DYSF: variants seen among roughly 807,000 people sequenced by gnomAD.
DYSF encodes dystrophy-associated fer-1-like 1.
DYSF carries 212 observed loss-of-function variants against 274.9 expected under a neutral mutation model. The observed-to-expected ratio is 0.77, with a 90% CI of 0.69 to 0.86. The LOEUF is 0.86. Ranked by LOEUF, DYSF falls within the 40% of genes least tolerant of loss-of-function variation. The probability of loss-of-function intolerance (pLI) is 0.00; values close to 1 mark genes in which losing one functional copy is unlikely to be tolerated. For missense variants in DYSF, 2,666 were observed against 2,783.2 expected, an observed-to-expected ratio of 0.96 and a Z score of 0.95; for synonymous variants, 1,091 against 1,078.7, an observed-to-expected ratio of 1.01 and a Z score of -0.22.
intron 1 of DYSF, among the ~76,000 whole-genome samples, chr2:71,469,410 G>A (rs1316510514): frequency 1.3e-5 from 2 of 151,584 alleles, no homozygotes; most frequent in Non-Finnish European, 2.9e-5. Flanking sequence ...AGGCATAGGT[G>A]TTGTTTCTGT....
At chr2:71,673,630 C>T (rs573094039) in intron 51 of DYSF, among the ~76,000 whole-genome samples, 1 of 152,200 alleles carries the variant, frequency 6.6e-6, no homozygotes, top group Admixed American at 6.5e-5. Context: ...CACCCTGACC[C>T]TGAGATGCCA....
chr2:71,526,773 C>G (rs533437054), intron 13 of DYSF, among the ~76,000 whole-genome samples: 1 of 152,234 alleles, frequency 6.6e-6, no homozygotes, highest in Non-Finnish European at 1.5e-5. Context: ...ATGAAGGACT[C>G]CTGGGCCCCA....
intron 41 of DYSF, among the ~76,000 whole-genome samples, chr2:71,635,757 AAAAAAAAAGAAAGAAAAAAG>A (rs1309797562): frequency 8.7e-6 from 1 of 114,746 alleles, no homozygotes; most frequent in African/African-American, 3.0e-5. Flanking sequence ...TCAAAAAAAA[AAAAAAAAAGAAAGAAAAAAG>A]AAAAAGAAAA....
At chr2:71,639,310 C>T (rs960391076) in intron 41 of DYSF, among the ~76,000 whole-genome samples, 3 of 152,230 alleles carry the variant, frequency 2.0e-5, no homozygotes, top group Admixed American at 6.5e-5. Flanking sequence ...TATTTTGAAG[C>T]ATCTTGCTGT....
rs904790856 is a variant in DYSF at position 71,615,251 on chromosome 2, G to A, written c.4464+1841G>A. Among the ~76,000 whole-genome samples, 9 of 152,284 alleles carry A rather than the reference G, an allele frequency of 5.9e-5. No homozygotes were observed. Among genetic ancestry groups the A allele is most frequent in the Admixed American group, 5.9e-4 (9 of 15,308 alleles). ...AGCTGGGCCTGTGCTGTTTGTGGGA[G>A]CACACGGCCACTCTGGCTAGAGCTG... On this transcript the variant is annotated intron_variant, in intron 40 of 55. Coordinates refer to ENST00000410020, the MANE Select transcript of DYSF (RefSeq NM_001130987.2). The surrounding 1 kb of genome is among the most constrained non-coding windows in gnomAD (Gnocchi z 4.9).
Position 71,568,048 on chromosome 2 carries a change from T to A in DYSF, c.2663T>A (p.Phe888Tyr), listed in dbSNP as rs763648778. The A allele has an allele frequency of 6.2e-7, 1 of 1,614,186 alleles. No homozygotes were observed. The highest frequency in any genetic ancestry group is 1.7e-5 in the Admixed American group (1 of 60,032). The change falls in exon 25 of 56, where the codon TTT (phenylalanine) becomes TAT (tyrosine). Residue 888 changes from phenylalanine (F) to tyrosine (Y), a missense_variant. Around this residue, in one of 3 missense-constraint regions of DYSF, gnomAD observed 412 missense variants for 504.0 expected, o/e 0.82. Coordinates refer to ENST00000410020, the MANE Select transcript of DYSF (RefSeq NM_001130987.2). The part of the protein sequence containing the change: ...LSVDEKEFNQ[F>Y]AEGKLSVFAE... Reference sequence around the variant, plus strand: ...GTGGATGAGAAGGAGTTCAACCAGTTTGCTGAGGGGAAGCTGTCTGTCTTT... The same window carrying A: ...GTGGATGAGAAGGAGTTCAACCAGTATGCTGAGGGGAAGCTGTCTGTCTTT...
intron 40 of DYSF, among the ~76,000 whole-genome samples, chr2:71,618,231 GGT>G (rs1481017592): frequency 1.5e-5 from 1 of 67,832 alleles, no homozygotes; most frequent in Non-Finnish European, 3.0e-5. Flanking sequence ...GTAGAGGTGG[GGT>G]GTGTGTGTGG....
In DYSF at chr2:71,511,829, C is replaced by T. The variant is rs769547295; in HGVS notation, c.368C>T (p.Ser123Phe). The change falls in exon 5 of 56, where the codon TCC becomes TTC. Residue 123 changes from serine to phenylalanine, a missense_variant. By Grantham distance (155) the Ser-to-Phe change is radical. Around this residue, in one of 3 missense-constraint regions of DYSF, gnomAD observed 794 missense variants for 777.1 expected, o/e 1.02. Transcript: ENST00000410020. ...PTGASLVLQVSYTPLPGAVPL... is the reference protein window; with the variant it reads ...PTGASLVLQVFYTPLPGAVPL... ...CAGGCCTCGCTGGTCCTGCAGGTGT[C>T]CTACACACCGCTGCCTGGAGCTGTG... 3.2e-6 allele frequency: 5 copies of T among 1,551,472 alleles called. No homozygotes were observed. The South Asian group carries it at 3.6e-5, about 11-fold the overall frequency.
chr2:71,553,856 G>A lies in DYSF; in HGVS notation c.2034G>A (p.Val678=), dbSNP rs138111360. 204 of 1,613,872 alleles carry A rather than the reference G, an allele frequency of 1.3e-4. No homozygotes were observed. The African/African-American group carries it at 2.5e-3, about 20-fold the overall frequency. ...LPWGNVKPVV[V]LSSYWEDISH... is the part of the protein sequence containing the mutation. ...GGGGTAACGTGAAACCTGTGGTGGT[G>A]CTGTCATCCTACTGGGAGGACATCA... is the stretch of plus-strand genomic sequence containing the variant. The change falls in exon 21 of 56, where the codon GTG becomes GTA. Residue 678 remains valine, a synonymous_variant. Coordinates refer to ENST00000410020, the MANE Select transcript of DYSF (RefSeq NM_001130987.2).
intron 36 of DYSF, among the ~76,000 whole-genome samples, chr2:71,608,733 C>T (rs1260714554): frequency 4.1e-5 from 6 of 146,210 alleles, no homozygotes; most frequent in South Asian, 2.1e-4. Flanking sequence ...CCACGGAGCT[C>T]GAGGGAGCCC....
intron 45 of DYSF, among the ~76,000 whole-genome samples, chr2:71,662,276 G>C (rs150536039): frequency 6.6e-6 from 1 of 152,294 alleles, no homozygotes; most frequent in East Asian, 1.9e-4. Flanking sequence ...TGACAGGCAG[G>C]TGACTTTTCT....
intron 14 of DYSF, among the ~76,000 whole-genome samples, chr2:71,531,599 G>C (rs1347232424): frequency 6.6e-6 from 1 of 151,810 alleles, no homozygotes; most frequent in Non-Finnish European, 1.5e-5. Context: ...ACGTATCAAA[G>C]GACACAGACA....
At chr2:71,589,762 G>T in intron 31 of DYSF, 76 bp downstream of exon 31, 1 of 1,380,690 alleles carries the variant, frequency 7.2e-7, no homozygotes, top group Non-Finnish European at 1.0e-6. Flanking sequence ...GGAGTTATAC[G>T]ATCAGATGTG....
At chr2:71,626,064 T>A (rs1414314474) in intron 41 of DYSF, among the ~76,000 whole-genome samples, 1 of 152,004 alleles carries the variant, frequency 6.6e-6, no homozygotes, top group Non-Finnish European at 1.5e-5. Context: ...TTCTATAGAG[T>A]CAATCATATA....
chr2:71,486,196 G>C (rs557957364), intron 3 of DYSF, among the ~76,000 whole-genome samples: 1 of 151,900 alleles, frequency 6.6e-6, no homozygotes, highest in Non-Finnish European at 1.5e-5. Context: ...GAGCTCCCCC[G>C]CTGTCCAACC....
intron 41 of DYSF, among the ~76,000 whole-genome samples, chr2:71,631,034 AT>A (rs1412653967): frequency 6.6e-6 from 1 of 152,178 alleles, no homozygotes; most frequent in Non-Finnish European, 1.5e-5. Context: ...GGGCAGCCCT[AT>A]TTCCCTTAAT....
At chr2:71,494,630 C>T (rs1309135426) in intron 3 of DYSF, among the ~76,000 whole-genome samples, 1 of 152,208 alleles carries the variant, frequency 6.6e-6, no homozygotes, top group African/African-American at 2.4e-5. Context: ...GGCATAACCC[C>T]AGGGCCACCA....
In DYSF at chr2:71,511,831, T is replaced by C; in HGVS notation, c.370T>C (p.Tyr124His). 6.4e-7 allele frequency: 1 copy of C among 1,551,526 alleles called. No individual in the cohort carries two copies. The highest frequency in any genetic ancestry group is 8.7e-7 in the Non-Finnish European group (1 of 1,146,842). Residue 124 changes from tyrosine to histidine, a missense_variant, in exon 5 of 56, where the codon TAC becomes CAC. By Grantham distance (83) the Tyr-to-His change is moderately conservative (BLOSUM62 2). This residue lies in a region of DYSF where 794 missense variants were observed against 777.1 expected (regional missense o/e 1.02). Transcript: ENST00000410020. ...GGCCTCGCTGGTCCTGCAGGTGTCC[T>C]ACACACCGCTGCCTGGAGCTGTGCC... is the stretch of plus-strand genomic sequence containing the variant. ...TGASLVLQVS[Y>H]TPLPGAVPLF...
upstream of DYSF, among the ~76,000 whole-genome samples, chr2:71,465,073 G>A (rs1449125721): frequency 6.6e-6 from 1 of 152,144 alleles, no homozygotes; most frequent in Non-Finnish European, 1.5e-5. Flanking sequence ...AGGGAGAAAT[G>A]ACCAGTAGCT....
Sources: allele counts gnomAD v4.1 joint callset (sites outside exome capture counted in the v4.1 genomes callset), GRCh38; gene constraint gnomAD v4.1.1; regional missense constraint gnomAD v4.1.1; non-coding constraint Gnocchi (gnomAD v3.1); transcripts MANE v1.5; gene names NCBI Gene and HGNC (gene_info 2026-07-23, HGNC 2026-07-21).